The following RANBP17 variants were observed in gnomAD, a reference collection of about 807,000 sequenced individuals.
The protein encoded by RANBP17 is RAN binding protein 17, also known as ran-binding protein 17.
RANBP17 carries 158 observed loss-of-function variants against 141.2 expected under a neutral mutation model. The ratio of observed to expected loss-of-function variants is 1.12; its 90% confidence interval spans 0.98 to 1.28. The LOEUF is 1.28. Ranked by LOEUF, RANBP17 falls within the 50% of genes most tolerant of loss-of-function variation. The probability of loss-of-function intolerance (pLI) is 0.00; values close to 1 mark genes in which losing one functional copy is unlikely to be tolerated. For synonymous variants in RANBP17, 430 were observed against 450.0 expected (o/e 0.96, Z 0.56); for missense variants, 1,438 against 1,290.7 (o/e 1.11, Z -1.75).
intron 18 of RANBP17, among the ~76,000 whole-genome samples, chr5:171,197,284 A>G (rs962570866): frequency 6.6e-6 from 1 of 152,206 alleles, no homozygotes; most frequent in East Asian, 1.9e-4. Flanking sequence ...TGCTAATACT[A>G]TAGTGCTAGT....
At chr5:170,957,072 A>AACACACACACACACACAC (rs58034888) in intron 13 of RANBP17, among the ~76,000 whole-genome samples, 139 of 142,984 alleles carry the variant, frequency 9.7e-4, no homozygotes, top group East Asian at 1.7e-3. Flanking sequence ...TCTGTCTCAA[A>AACACACACACACACACAC]ACACACACAC....
rs369704099 is a variant in RANBP17 at position 171,198,350 on chromosome 5, G to C, written c.2039-1320G>C. Among the ~76,000 whole-genome samples the C allele has an allele frequency of 4.6e-5, 7 of 152,314 alleles. No individual in the cohort carries two copies. The East Asian group carries it at 1.2e-3, about 25-fold the overall frequency. On this transcript the variant is annotated intron_variant, in intron 18 of 27. Coordinates refer to ENST00000523189, the MANE Select transcript of RANBP17 (RefSeq NM_022897.5). The stretch of plus-strand genomic sequence containing the variant: ...TTTGTTGGCCCTTTGGCATCTGTTT[G>C]TAACAAAGCTAAGTCCCCAATTCTG...
chr5:170,973,291 T>C (rs1470028406), intron 14 of RANBP17, among the ~76,000 whole-genome samples: 2 of 152,202 alleles, frequency 1.3e-5, no homozygotes, highest in Non-Finnish European at 2.9e-5. Context: ...TGGTTATCTG[T>C]ATGTGAAAAT....
Position 171,241,096 on chromosome 5 carries a change from A to C in RANBP17, c.2591A>C (p.Gln864Pro), listed in dbSNP as rs1271506466. 6.2e-7 allele frequency: 1 copy of C among 1,613,858 alleles called. No homozygotes were observed. Among genetic ancestry groups the C allele is most frequent in the South Asian group, 1.1e-5 (1 of 91,050 alleles). Reference protein sequence around the residue: ...YGDNHFDNVLQAFVKMLLSVS... With the variant: ...YGDNHFDNVLPAFVKMLLSVS... ...GACAACCATTTTGACAATGTACTCC[A>C]GGCTTTTGTCAAAATGCTGCTGTCA... The change falls in exon 23 of 28, where the codon CAG becomes CCG. Residue 864 changes from glutamine (Q) to proline (P), a missense_variant. Transcript: ENST00000523189.
intron 5 of RANBP17, among the ~76,000 whole-genome samples, chr5:170,900,664 TC>T (rs1292277439): frequency 6.6e-6 from 1 of 152,224 alleles, no homozygotes; most frequent in African/African-American, 2.4e-5. Context: ...GCTATAAATT[TC>T]CCTCTAAACA....
At chr5:171,125,114 G>A (rs1224349122) in intron 14 of RANBP17, among the ~76,000 whole-genome samples, 1 of 151,962 alleles carries the variant, frequency 6.6e-6, no homozygotes, top group Non-Finnish European at 1.5e-5. Flanking sequence ...GGTCAACATG[G>A]CAAAACCCCA....
chr5:170,922,404 G>C (rs1383390288), intron 11 of RANBP17, among the ~76,000 whole-genome samples: 1 of 152,198 alleles, frequency 6.6e-6, no homozygotes. Flanking sequence ...GAAGCTGTCT[G>C]CTGCCTTTTG....
At chr5:170,881,735 A>G (rs1768712249) in intron 2 of RANBP17, 71 bp from the exon 3 acceptor site, 7 of 1,096,152 alleles carry the variant, frequency 6.4e-6, no homozygotes, top group South Asian at 1.9e-5. Flanking sequence ...ATTGCTTAGA[A>G]GAACATCTCT....
At chr5:170,922,461 T>C (rs1206793604) in intron 11 of RANBP17, among the ~76,000 whole-genome samples, 1 of 152,190 alleles carries the variant, frequency 6.6e-6, no homozygotes, top group African/African-American at 2.4e-5. Context: ...GAGGCTGAGC[T>C]GCGGTGGGCT....
chr5:171,122,644 C>G (rs1756121634), intron 14 of RANBP17, among the ~76,000 whole-genome samples: 1 of 152,216 alleles, frequency 6.6e-6, no homozygotes, highest in Non-Finnish European at 1.5e-5. Context: ...CATGTTCCCA[C>G]TGCAGACTCC....
chr5:171,239,553 G>A (rs1374823090), intron 22 of RANBP17, among the ~76,000 whole-genome samples: 1 of 152,166 alleles, frequency 6.6e-6, no homozygotes. Flanking sequence ...GGAGTTGGAG[G>A]TTCAGGGGAA....
At chr5:171,125,334 A>AAAGAT (rs1756362564) in intron 14 of RANBP17, among the ~76,000 whole-genome samples, 1 of 151,092 alleles carries the variant, frequency 6.6e-6, no homozygotes, top group Non-Finnish European at 1.5e-5. Context: ...AGGGATGGAA[A>AAAGAT]AAGATATTCC....
chr5:171,015,766 C>T (rs936282241), intron 14 of RANBP17, among the ~76,000 whole-genome samples: 2 of 152,062 alleles, frequency 1.3e-5, no homozygotes, highest in African/African-American at 4.8e-5. Context: ...ACTAGAAAAG[C>T]ACGTAGTCTA....
At chr5:170,893,575 T>C (rs969969050) in intron 4 of RANBP17, among the ~76,000 whole-genome samples, 2 of 151,924 alleles carry the variant, frequency 1.3e-5, no homozygotes, top group Non-Finnish European at 1.5e-5. Flanking sequence ...GTGCGGATCA[T>C]GAGGTCAGGA....
chr5:171,087,422 G>GA (rs1383672766), intron 14 of RANBP17, among the ~76,000 whole-genome samples: 1 of 152,104 alleles, frequency 6.6e-6, no homozygotes, highest in African/African-American at 2.4e-5. Flanking sequence ...GTGTGGTGCT[G>GA]AAAAAAATGT....
chr5:171,108,696 G>A (rs1755016867), intron 14 of RANBP17, among the ~76,000 whole-genome samples: 1 of 152,072 alleles, frequency 6.6e-6, no homozygotes, highest in Admixed American at 6.5e-5. Context: ...ACATGCATGA[G>A]CCACCACCCC....
At chr5:171,137,972 C>A (rs202247178) in intron 14 of RANBP17, among the ~76,000 whole-genome samples, 10 of 112,824 alleles carry the variant, frequency 8.9e-5, no homozygotes, top group African/African-American at 3.0e-4. Context: ...TATATATATA[C>A]ACACACACTG....
At chr5:170,886,441 C>T (rs1769155376) in intron 3 of RANBP17, among the ~76,000 whole-genome samples, 2 of 152,064 alleles carry the variant, frequency 1.3e-5, no homozygotes, top group African/African-American at 4.8e-5. Flanking sequence ...TAGATAAGGG[C>T]AGTCCTGATC....
At chr5:171,078,687 C>T (rs1785085384) in intron 14 of RANBP17, among the ~76,000 whole-genome samples, 1 of 152,128 alleles carries the variant, frequency 6.6e-6, no homozygotes, top group Non-Finnish European at 1.5e-5. Context: ...TATCAGTGCT[C>T]TAGAAATGGA....
Sources: allele counts gnomAD v4.1 joint callset (sites outside exome capture counted in the v4.1 genomes callset), GRCh38; gene constraint gnomAD v4.1.1; transcripts MANE v1.5; gene names NCBI Gene and HGNC (gene_info 2026-07-23, HGNC 2026-07-21).